The following EVC2 variants were observed in gnomAD, a reference collection of about 807,000 sequenced individuals.
The protein encoded by EVC2 is EvC ciliary complex subunit 2, also known as limbin.
EVC2 carries 148 observed loss-of-function variants against 149.3 expected under a neutral mutation model. That is an observed-to-expected ratio of 0.99 (90% CI 0.87 to 1.14). The LOEUF (loss-of-function observed/expected upper bound fraction) is 1.14. Ranked by LOEUF, EVC2 falls within the 50% of genes most tolerant of loss-of-function variation. The probability of loss-of-function intolerance (pLI) is 0.00; values close to 1 mark genes in which losing one functional copy is unlikely to be tolerated. For synonymous variants in EVC2, 776 were observed against 649.9 expected, an observed-to-expected ratio of 1.19 and a Z score of -2.95; for missense variants, 1,854 against 1,627.3, an observed-to-expected ratio of 1.14 and a Z score of -2.40.
In EVC2 at chr4:5,618,646, C is replaced by G. The variant is rs1163315482; in HGVS notation, c.2538G>C (p.Glu846Asp). ...LCSSVFSLSE[E>D]ELLRMRQEVH... is the part of the protein sequence containing the mutation. ...CCTCCTGCCTCATCCTGAGCAGCTC[C>G]TCTTCAGACAGGGAGAAGACTGAGG... is the stretch of plus-strand genomic sequence containing the variant. Residue 846 changes from glutamate to aspartate, a missense_variant, in exon 15 of 22, where the codon GAG (glutamate) becomes GAC (aspartate). By Grantham distance (45) the Glu-to-Asp change is conservative. Transcript: ENST00000344408. The surrounding 1 kb of genome is among the most constrained non-coding windows in gnomAD (Gnocchi z 4.4). 1 of 1,610,044 alleles carries G rather than the reference C, an allele frequency of 6.2e-7. No individual in the cohort carries two copies. Among genetic ancestry groups the G allele is most frequent in the South Asian group, 1.1e-5 (1 of 90,002 alleles).
At chr4:5,708,904 T>G, upstream of EVC2, 1 of 175,088 alleles carries the variant, frequency 5.7e-6, no homozygotes, top group Non-Finnish European at 1.2e-5. Context: ...AATCCAGAGT[T>G]TCCCCATCCC....
intron 10 of EVC2, among the ~76,000 whole-genome samples, chr4:5,638,416 A>G (rs1717047776): frequency 6.6e-6 from 1 of 151,978 alleles, no homozygotes; most frequent in East Asian, 1.9e-4. Context: ...AAATTGTAAC[A>G]GATTTAGGAA....
At chr4:5,556,981 G>A (rs1721851743) in intron 21 of EVC2, among the ~76,000 whole-genome samples, 1 of 152,074 alleles carries the variant, frequency 6.6e-6, no homozygotes, top group Non-Finnish European at 1.5e-5. Flanking sequence ...CATTTTACTG[G>A]TGAATTTTAG....
intron 9 of EVC2, among the ~76,000 whole-genome samples, chr4:5,649,089 T>C (rs892881324): frequency 6.6e-6 from 1 of 152,198 alleles, no homozygotes; most frequent in Non-Finnish European, 1.5e-5. Flanking sequence ...AACAATCCCA[T>C]GAGGCGGACA....
At chr4:5,601,175 A>C (rs1713945763) in intron 16 of EVC2, among the ~76,000 whole-genome samples, 1 of 152,168 alleles carries the variant, frequency 6.6e-6, no homozygotes, top group Admixed American at 6.5e-5. Context: ...CCCTGGCTAT[A>C]GGCTCAGAGC....
Position 5,584,717 on chromosome 4 carries a change from A to C in EVC2, c.2963T>G (p.Leu988Arg). ...CAGGAGCAAGTCCTGGATGCTGAGG[A>C]GGGCGGTGTAGGCCGACAGAGTCTC... is the stretch of plus-strand genomic sequence containing the variant. ...VTETLSAYTA[L>R]LSIQDLLLEE... The change falls in exon 17 of 22, where the codon CTC becomes CGC. Residue 988 changes from leucine (L) to arginine (R), a missense_variant. Transcript: ENST00000344408. 1 of 1,612,234 alleles carries C rather than the reference A, an allele frequency of 6.2e-7. No individual in the cohort carries two copies. Among genetic ancestry groups the C allele is most frequent in the Non-Finnish European group, 8.5e-7 (1 of 1,179,022 alleles).
Position 5,640,393 on chromosome 4 carries a change from G to T in EVC2, c.1470+121C>A. 8.7e-7 allele frequency: 1 copy of T among 1,149,918 alleles called. No homozygotes were observed. The highest frequency in any genetic ancestry group is 2.3e-5 in the East Asian group (1 of 42,856). 71.2% of individuals were successfully genotyped at this position (1,149,918 alleles called of 1,614,324 possible). On this transcript the variant is annotated intron_variant, in intron 10 of 21. Transcript: ENST00000344408. The surrounding 1 kb of genome is among the most constrained non-coding windows in gnomAD (Gnocchi z 4.6). The stretch of plus-strand genomic sequence containing the variant: ...GGATGAATAGATGAATGAGTGGGTG[G>T]TTGGATGGATGATGGGTAGACGGAT...
Position 5,631,941 on chromosome 4 carries a change from T to C in EVC2, c.1562A>G (p.Asp521Gly). The C allele has an allele frequency of 8.1e-6, 13 of 1,614,076 alleles. No individual in the cohort carries two copies. The highest frequency in any genetic ancestry group is 1.1e-5 in the Non-Finnish European group (13 of 1,179,922). Residue 521 changes from aspartate (D) to glycine (G), a missense_variant, in exon 11 of 22, where the codon GAC becomes GGC. By Grantham distance (94) the Asp-to-Gly change is moderately conservative. Coordinates refer to ENST00000344408, the MANE Select transcript of EVC2 (RefSeq NM_147127.5). ...RKSLALQQEE[D>G]FAKAHRQLAV... ...CAGCTGTCTGTGAGCTTTGGCAAAGTCTTCTTCTTGTTGCAAAGCGAGAGA... is the reference window on the plus strand; with the variant it reads ...CAGCTGTCTGTGAGCTTTGGCAAAGCCTTCTTCTTGTTGCAAAGCGAGAGA...
chr4:5,700,390 C>A (rs918009805), intron 1 of EVC2, among the ~76,000 whole-genome samples: 2 of 152,160 alleles, frequency 1.3e-5, no homozygotes, highest in African/African-American at 4.8e-5. Context: ...GTTTGTACAA[C>A]CTCTGTCCCC....
the EVC2 span, among the ~76,000 whole-genome samples, chr4:5,532,875 G>A: frequency 4.6e-5 from 7 of 151,846 alleles, no homozygotes; most frequent in Middle Eastern, 3.4e-3. Context: ...CAGCACTGGC[G>A]GGCAGTGTGC....
At chr4:5,559,003 G>A (rs1466230208), downstream of EVC2, among the ~76,000 whole-genome samples, 1 of 152,052 alleles carries the variant, frequency 6.6e-6, no homozygotes, top group Non-Finnish European at 1.5e-5. This position sits in a 1 kb window ranked among gnomAD's most constrained non-coding sequence, Gnocchi z 5.0. Context: ...GACCAGCCTG[G>A]ACAACATAGT....
chr4:5,643,314 G>C (rs1717476295), intron 9 of EVC2, among the ~76,000 whole-genome samples: 1 of 152,218 alleles, frequency 6.6e-6, no homozygotes, highest in African/African-American at 2.4e-5. Context: ...ATGAAAAGTT[G>C]AGACCAAGAT....
intron 1 of EVC2, chr4:5,708,012 G>A (rs541173238): frequency 5.7e-6 from 2 of 350,692 alleles, no homozygotes; most frequent in East Asian, 4.7e-5. Flanking sequence ...ACTGCCCTAG[G>A]TCGAAGCTCG....
intron 17 of EVC2, among the ~76,000 whole-genome samples, chr4:5,582,645 T>A (rs556988599): frequency 3.3e-5 from 5 of 152,292 alleles, no homozygotes; most frequent in South Asian, 2.1e-4. Flanking sequence ...TAGGGGACTG[T>A]TGGGAAGGCA....
chr4:5,652,371 C>T lies in EVC2; in HGVS notation c.1145+10736G>A, dbSNP rs60069035. ...ATGTGACACTGTATAAATGGATTTCCGGTTAAGGACAGACGCACCCTCCGG... is the reference window on the plus strand; with the variant it reads ...ATGTGACACTGTATAAATGGATTTCTGGTTAAGGACAGACGCACCCTCCGG... On this transcript the variant is annotated intron_variant, in intron 9 of 21. Transcript: ENST00000344408. Among the ~76,000 whole-genome samples the T allele has an allele frequency of 1.3e-3, 193 of 152,246 alleles. 1 individual carries two copies. Among genetic ancestry groups the T allele is most frequent in the African/African-American group, 4.1e-3 (169 of 41,564 alleles).
chr4:5,665,538 C>T lies in EVC2; in HGVS notation c.982G>A (p.Gly328Arg). Residue 328 changes from glycine to arginine, a missense_variant, in exon 8 of 22, where the codon GGA becomes AGA. By Grantham distance (125) the Gly-to-Arg change is moderately radical. Transcript: ENST00000344408. ...ACCCGATGTCTGGTGAGCATGTTTC[C>T]CTTCAGACACTGATAGCGAACCATG... ...FLMVRYQCLK[G>R]NMLTRHRVWQ... 6.2e-7 allele frequency: 1 copy of T among 1,614,160 alleles called. No homozygotes were observed.
At chr4:5,650,668 GAGA>G (rs1718069166) in intron 9 of EVC2, among the ~76,000 whole-genome samples, 8 of 141,490 alleles carry the variant, frequency 5.7e-5, no homozygotes, top group African/African-American at 1.8e-4. Context: ...GAGAGAGAGA[GAGA>G]GCCATTTAAT....
At chr4:5,575,857 T>G (rs997344488) in intron 18 of EVC2, among the ~76,000 whole-genome samples, 1 of 152,200 alleles carries the variant, frequency 6.6e-6, no homozygotes, top group Non-Finnish European at 1.5e-5. Context: ...CAATAAGGCC[T>G]GTAGTCTAGT....
intron 16 of EVC2, among the ~76,000 whole-genome samples, chr4:5,610,027 G>A (rs897127699): frequency 2.0e-5 from 3 of 152,182 alleles, no homozygotes; most frequent in Non-Finnish European, 2.9e-5. Flanking sequence ...CTGAAGACCA[G>A]TCGTGACCCT....
Sources: gnomAD v4.1 joint callset for allele counts (sites outside exome capture counted in the v4.1 genomes callset) on GRCh38, gnomAD v4.1.1 for gene constraint, Gnocchi (gnomAD v3.1) non-coding constraint, MANE v1.5 for transcripts, NCBI Gene and HGNC (gene_info 2026-07-23, HGNC 2026-07-21) for gene names.